The following RBMS2 variants were observed in gnomAD, a reference collection of about 807,000 sequenced individuals.
The protein encoded by RBMS2 is RNA-binding motif, single-stranded-interacting protein 2.
A neutral mutation model predicts 58.4 loss-of-function variants in RBMS2; 38 were observed. That is an observed-to-expected ratio of 0.65 (90% CI 0.50 to 0.85). RBMS2 has a LOEUF of 0.85. Ranked by LOEUF, RBMS2 falls within the 40% of genes least tolerant of loss-of-function variation. The pLI is 0.00. For missense variants in RBMS2, 367 were observed against 503.7 expected (o/e 0.73, Z 2.60); for synonymous variants, 151 against 180.7 (o/e 0.84, Z 1.32).
chr12:56,549,798 G>T (rs1308991706), intron 1 of RBMS2, among the ~76,000 whole-genome samples: 6 of 151,986 alleles, frequency 3.9e-5, no homozygotes, highest in Non-Finnish European at 7.4e-5. Context: ...AGGCTGAGGC[G>T]GGCAGATCCA....
intron 4 of RBMS2, among the ~76,000 whole-genome samples, chr12:56,570,499 T>A (rs1387160291): frequency 6.6e-6 from 1 of 152,228 alleles, no homozygotes; most frequent in Non-Finnish European, 1.5e-5. Context: ...TGTCTTCACC[T>A]AGACTACTAG....
intron 1 of RBMS2, among the ~76,000 whole-genome samples, chr12:56,526,221 C>G (rs1872609075): frequency 6.6e-6 from 1 of 151,824 alleles, no homozygotes; most frequent in African/African-American, 2.4e-5. Flanking sequence ...GCAGGAGAAT[C>G]ACTTGAACCC....
At position 56,540,080 on chromosome 12, in the gene RBMS2, T is replaced by C. The variant is rs191567233; in HGVS notation, c.66+17991T>C. Among the ~76,000 whole-genome samples, 159 of 152,306 alleles carry C rather than the reference T, an allele frequency of 1.0e-3. 1 individual carries two copies. Among genetic ancestry groups the C allele is most frequent in the Middle Eastern group, 3.4e-3 (1 of 294 alleles). On this transcript the variant is annotated intron_variant, in intron 1 of 13. Transcript: ENST00000262031. The stretch of plus-strand genomic sequence containing the variant: ...CACAGCCTTCTTTTTGTCTTTTTTT[T>C]GGTAGCCCATTTATCACAGTGGGTA...
intron 1 of RBMS2, among the ~76,000 whole-genome samples, chr12:56,557,109 C>A (rs1879368211): frequency 6.6e-6 from 1 of 152,086 alleles, no homozygotes; most frequent in African/African-American, 2.4e-5. Flanking sequence ...TTAGAACTTC[C>A]TCAGCTGAGA....
chr12:56,549,149 C>G (rs1175725696), intron 1 of RBMS2, among the ~76,000 whole-genome samples: 2 of 152,018 alleles, frequency 1.3e-5, no homozygotes, highest in Non-Finnish European at 2.9e-5. Flanking sequence ...CAGATGTGCA[C>G]CACCACGTCT....
chr12:56,564,284 G>A (rs1203854432), intron 2 of RBMS2, among the ~76,000 whole-genome samples: 1 of 151,908 alleles, frequency 6.6e-6, no homozygotes, highest in East Asian at 1.9e-4. Flanking sequence ...CCATATATTC[G>A]TTCCTCAGTA....
At chr12:56,561,957 A>C (rs1407462369) in intron 1 of RBMS2, among the ~76,000 whole-genome samples, 1 of 151,994 alleles carries the variant, frequency 6.6e-6, no homozygotes, top group Non-Finnish European at 1.5e-5. Flanking sequence ...ACAGGCGCCC[A>C]CCACCATGCC....
At chr12:56,588,673 A>G in intron 12 of RBMS2, 1 of 591,392 alleles carries the variant, frequency 1.7e-6, no homozygotes, top group Non-Finnish European at 3.0e-6. Flanking sequence ...GAGTTCATGA[A>G]TGAGGCCCTT....
chr12:56,561,902 G>A (rs1162927165), intron 1 of RBMS2, among the ~76,000 whole-genome samples: 1 of 151,962 alleles, frequency 6.6e-6, no homozygotes. Context: ...CTGCCTCCCG[G>A]GTTCACGCCA....
At position 56,582,066 on chromosome 12, in the gene RBMS2, C is replaced by A; in HGVS notation, c.787C>A (p.Pro263Thr). Residue 263 changes from proline (P) to threonine (T), a missense_variant, in exon 9 of 14, where the codon CCA (proline) becomes ACA (threonine). Coordinates refer to ENST00000262031, the MANE Select transcript of RBMS2 (RefSeq NM_002898.4). ...TGAGGTTCCTTCCCACAGGTTTTAC[C>A]CAGCCCCCTATAACATCACCCCCAA... is the stretch of plus-strand genomic sequence containing the variant. Reference protein sequence around the residue: ...PTTALQNGFYPAPYNITPNRM... With the variant: ...PTTALQNGFYTAPYNITPNRM... The A allele has an allele frequency of 6.2e-7, 1 of 1,603,828 alleles. No homozygotes were observed. Among genetic ancestry groups the A allele is most frequent in the Non-Finnish European group, 8.5e-7 (1 of 1,174,724 alleles).
At chr12:56,563,606 T>C (rs964408847) in intron 2 of RBMS2, among the ~76,000 whole-genome samples, 2 of 151,970 alleles carry the variant, frequency 1.3e-5, no homozygotes, top group African/African-American at 4.8e-5. Flanking sequence ...GCTCAAAAAA[T>C]AATAAGCAAT....
At chr12:56,549,181 G>C (rs964110978) in intron 1 of RBMS2, among the ~76,000 whole-genome samples, 1 of 151,926 alleles carries the variant, frequency 6.6e-6, no homozygotes, top group Non-Finnish European at 1.5e-5. Flanking sequence ...TTTTAGTAGA[G>C]ACGGGGTTTC....
chr12:56,544,940 G>T (rs1197740307), intron 1 of RBMS2, among the ~76,000 whole-genome samples: 4 of 151,604 alleles, frequency 2.6e-5, no homozygotes, highest in African/African-American at 9.7e-5. Context: ...AATAGTTTTT[G>T]GGGTACAGGT....
At chr12:56,568,032 T>G (rs1006630545) in intron 2 of RBMS2, among the ~76,000 whole-genome samples, 5 of 152,242 alleles carry the variant, frequency 3.3e-5, no homozygotes, top group African/African-American at 1.2e-4. Flanking sequence ...GTTTATTAAT[T>G]CACAGTCCTA....
chr12:56,532,566 AT>A (rs201565903), intron 1 of RBMS2, among the ~76,000 whole-genome samples: 34 of 119,182 alleles, frequency 2.9e-4, no homozygotes, highest in Admixed American at 9.5e-4. Flanking sequence ...AAATAATTAA[AT>A]TAAAAAAAAA....
At position 56,582,102 on chromosome 12, in the gene RBMS2, G is replaced by A. The variant is rs1884041195; in HGVS notation, c.823G>A (p.Ala275Thr). The A allele has an allele frequency of 6.2e-7, 1 of 1,613,384 alleles. No individual in the cohort carries two copies. Reference sequence around the variant, plus strand: ...TAACATCACCCCCAACAGGATGCTTGCTCAGTCTGCACTCTCCCCATACCT... The same window carrying A: ...TAACATCACCCCCAACAGGATGCTTACTCAGTCTGCACTCTCCCCATACCT... ...PYNITPNRML[A>T]QSALSPYLSS... The change falls in exon 9 of 14, where the codon GCT becomes ACT. Residue 275 changes from alanine (A) to threonine (T), a missense_variant. Transcript: ENST00000262031.
Position 56,581,682 on chromosome 12 carries a change from G to T in RBMS2, c.733-151G>T, listed in dbSNP as rs189974599. The T allele has an allele frequency of 5.1e-6, 6 of 1,166,134 alleles. No individual in the cohort carries two copies. The Admixed American group carries it at 8.3e-5, about 16-fold the overall frequency. 72.2% of individuals were successfully genotyped at this position (1,166,134 alleles called of 1,614,324 possible). On this transcript the variant is annotated intron_variant, in intron 7 of 13. Coordinates refer to ENST00000262031, the MANE Select transcript of RBMS2 (RefSeq NM_002898.4). ...GTTCTCGAGTGTGGCTTTGCGGCCTGCACAATTAGAAAAACTCTGAAACAG... is the reference window on the plus strand; with the variant it reads ...GTTCTCGAGTGTGGCTTTGCGGCCTTCACAATTAGAAAAACTCTGAAACAG...
At chr12:56,524,188 A>G (rs1217201341) in intron 1 of RBMS2, among the ~76,000 whole-genome samples, 5 of 152,114 alleles carry the variant, frequency 3.3e-5, no homozygotes, top group African/African-American at 4.8e-5. Flanking sequence ...TTGGGTTGAA[A>G]TCTCTTAGTA....
intron 1 of RBMS2, among the ~76,000 whole-genome samples, chr12:56,543,599 C>T (rs1253476408): frequency 2.0e-5 from 3 of 150,214 alleles, no homozygotes; most frequent in Non-Finnish European, 4.4e-5. Flanking sequence ...AGGATCCACC[C>T]GCCTCGGCCT....
Sources: allele counts gnomAD v4.1 joint callset (sites outside exome capture counted in the v4.1 genomes callset), GRCh38; gene constraint gnomAD v4.1.1; transcripts MANE v1.5; gene names NCBI Gene and HGNC (gene_info 2026-07-23, HGNC 2026-07-21).